B4GALT1: variants seen among roughly 807,000 people sequenced by gnomAD.
The protein encoded by B4GALT1 is beta-1,4-galactosyltransferase 1.
In B4GALT1, 16 loss-of-function variants were observed where a neutral mutation model predicts 34.9. That is an observed-to-expected ratio of 0.46 (90% CI 0.31 to 0.70). The LOEUF (loss-of-function observed/expected upper bound fraction) is 0.70. Among genes scored for constraint, B4GALT1 ranks in the 30% least tolerant of loss-of-function variants. The pLI is 0.05. For missense variants in B4GALT1, 445 were observed against 530.5 expected (o/e 0.84, Z 1.58); for synonymous variants, 221 against 218.1 (o/e 1.01, Z -0.12).
At chr9:33,115,921 C>T in intron 4 of B4GALT1, 70 bp downstream of exon 4, 1 of 1,569,554 alleles carries the variant, frequency 6.4e-7, no homozygotes, top group Non-Finnish European at 8.7e-7. Context: ...TGGGGAACAA[C>T]CAAGCATTGG....
At chr9:33,108,787 T>C (rs1460466561), downstream of B4GALT1, 1 of 152,112 alleles carries the variant, frequency 6.6e-6, no homozygotes, top group African/African-American at 2.4e-5. Flanking sequence ...CAAAGTCCTG[T>C]GTGGCACTGT....
chr9:33,160,481 A>AT (rs772113891), intron 1 of B4GALT1, among the ~76,000 whole-genome samples: 30 of 152,218 alleles, frequency 2.0e-4, no homozygotes, highest in Non-Finnish European at 3.8e-4. Flanking sequence ...GACAACAGCT[A>AT]TAACACTGGG....
At chr9:33,147,601 C>T (rs560735846) in intron 1 of B4GALT1, among the ~76,000 whole-genome samples, 1 of 152,258 alleles carries the variant, frequency 6.6e-6, no homozygotes, top group East Asian at 1.9e-4. Flanking sequence ...TAAAAAGAGA[C>T]TGTTTACTGA....
intron 2 of B4GALT1, chr9:33,104,885 A>T (rs1587722337): frequency 2.5e-6 from 1 of 392,822 alleles, no homozygotes; most frequent in African/African-American, 2.1e-5. Flanking sequence ...TGACGTGCTA[A>T]GTAAATGAAC....
At chr9:33,165,617 C>T (rs1177155627) in intron 1 of B4GALT1, among the ~76,000 whole-genome samples, 2 of 152,224 alleles carry the variant, frequency 1.3e-5, no homozygotes, top group East Asian at 1.9e-4. Flanking sequence ...GTAGCCAGGG[C>T]TCTGTGGGAA....
intron 2 of B4GALT1, among the ~76,000 whole-genome samples, chr9:33,130,119 G>A (rs929056941): frequency 4.6e-5 from 7 of 152,160 alleles, no homozygotes; most frequent in East Asian, 1.9e-4. Context: ...ACTGGCTGTG[G>A]GGCAAAGGGC....
the B4GALT1 span, among the ~76,000 whole-genome samples, chr9:33,177,853 G>A: frequency 1.3e-5 from 2 of 152,180 alleles, no homozygotes. Flanking sequence ...TGGGAGCTCA[G>A]CTGGAACTGT....
At chr9:33,149,202 A>T (rs934996886) in intron 1 of B4GALT1, among the ~76,000 whole-genome samples, 4 of 50,754 alleles carry the variant, frequency 7.9e-5, no homozygotes, top group East Asian at 2.2e-3. Flanking sequence ...AAAAAATTTA[A>T]AAAAAAAAAA....
chr9:33,136,948 A>T lies in B4GALT1; in HGVS notation c.413-1524T>A, dbSNP rs542979604. Among the ~76,000 whole-genome samples the T allele has an allele frequency of 2.6e-5, 4 of 152,142 alleles. No homozygotes were observed. In the South Asian group the frequency reaches 8.3e-4, roughly 32 times the overall value. ...CTGAATTCAACAGCTTGAGAAAAAA[A>T]GCTGTGGGCCTGCTTCCTCTCACCA... On this transcript the variant is annotated intron_variant, in intron 1 of 5. Coordinates refer to ENST00000379731, the MANE Select transcript of B4GALT1 (RefSeq NM_001497.4).
At chr9:33,150,809 G>C (rs1174197105) in intron 1 of B4GALT1, among the ~76,000 whole-genome samples, 1 of 152,124 alleles carries the variant, frequency 6.6e-6, no homozygotes, top group Non-Finnish European at 1.5e-5. Context: ...AGCAAAAACA[G>C]ATACACAAAC....
chr9:33,179,700 T>C, the B4GALT1 span: 2 of 152,260 alleles, frequency 1.3e-5, no homozygotes, highest in African/African-American at 2.4e-5. Context: ...CAACCTTCTA[T>C]TTTTAAAATA....
intron 1 of B4GALT1, among the ~76,000 whole-genome samples, chr9:33,156,745 A>T (rs759659680): frequency 6.6e-6 from 1 of 152,220 alleles, no homozygotes; most frequent in Non-Finnish European, 1.5e-5. Context: ...CCAACAGAAT[A>T]TAAGTTTCTA....
At chr9:33,106,487 GT>G (rs1839797665), downstream of B4GALT1, among the ~76,000 whole-genome samples, 2 of 152,334 alleles carry the variant, frequency 1.3e-5, no homozygotes, top group South Asian at 4.1e-4. Flanking sequence ...GGAAGCCTGA[GT>G]TTTGGAAGTT....
At chr9:33,170,269 C>G (rs1217382123), upstream of B4GALT1, among the ~76,000 whole-genome samples, 1 of 151,986 alleles carries the variant, frequency 6.6e-6, no homozygotes, top group Non-Finnish European at 1.5e-5. Flanking sequence ...CGTGCCCGGC[C>G]GATATTTGTT....
At chr9:33,160,994 TC>T (rs1840666594) in intron 1 of B4GALT1, among the ~76,000 whole-genome samples, 1 of 151,348 alleles carries the variant, frequency 6.6e-6, no homozygotes, top group East Asian at 1.9e-4. Flanking sequence ...CCTATCCCTA[TC>T]CCCAACATCT....
intron 1 of B4GALT1, among the ~76,000 whole-genome samples, chr9:33,158,783 T>C (rs1474048845): frequency 6.6e-6 from 1 of 152,198 alleles, no homozygotes; most frequent in African/African-American, 2.4e-5. Context: ...CCACACCATA[T>C]TGCCAGAGTC....
chr9:33,126,698 C>G (rs1361354820), intron 2 of B4GALT1, among the ~76,000 whole-genome samples: 1 of 32,220 alleles, frequency 3.1e-5, no homozygotes, highest in East Asian at 4.7e-4. Flanking sequence ...AAACTTGGAT[C>G]TGAGATTTAA....
chr9:33,148,587 T>C (rs983066625), intron 1 of B4GALT1, among the ~76,000 whole-genome samples: 3 of 152,324 alleles, frequency 2.0e-5, no homozygotes, highest in African/African-American at 4.8e-5. Flanking sequence ...ATGACAATCA[T>C]GAGGTATTAT....
intron 1 of B4GALT1, among the ~76,000 whole-genome samples, chr9:33,155,099 T>C (rs1840577571): frequency 1.3e-5 from 2 of 151,904 alleles, no homozygotes; most frequent in South Asian, 4.1e-4. Flanking sequence ...TGAGCAGGAG[T>C]ACATGGCTAC....
Sources: gnomAD v4.1 joint callset for allele counts (sites outside exome capture counted in the v4.1 genomes callset) on GRCh38, gnomAD v4.1.1 for gene constraint, MANE v1.5 for transcripts, NCBI Gene and HGNC (gene_info 2026-07-23, HGNC 2026-07-21) for gene names.